The following NLGN1 variants were observed in gnomAD, a reference collection of about 807,000 sequenced individuals.
NLGN1 encodes the protein neuroligin 1.
Under a neutral mutation model 65.5 loss-of-function variants are expected in NLGN1, and 12 were observed. That is an observed-to-expected ratio of 0.18 (90% CI 0.12 to 0.30). The LOEUF (loss-of-function observed/expected upper bound fraction) is 0.30. Ranked by LOEUF, NLGN1 falls within the 10% of genes least tolerant of loss-of-function variation. NLGN1 has a pLI of 1.00. For synonymous variants in NLGN1, 350 were observed against 359.5 expected (o/e 0.97, Z 0.30); for missense variants, 750 against 1,007.1 (o/e 0.74, Z 3.46).
chr3:174,066,242 CT>C (rs1420440994), intron 4 of NLGN1, among the ~76,000 whole-genome samples: 2 of 151,712 alleles, frequency 1.3e-5, no homozygotes, highest in Non-Finnish European at 2.9e-5. Context: ...TCCTTATTTT[CT>C]TCTGTTTCCC....
chr3:174,033,546 G>A (rs776605430), intron 4 of NLGN1, among the ~76,000 whole-genome samples: 17 of 151,616 alleles, frequency 1.1e-4, no homozygotes, highest in Middle Eastern at 3.4e-3. Context: ...TCATGTGTTC[G>A]TTGCTCTAAT....
intron 4 of NLGN1, among the ~76,000 whole-genome samples, chr3:173,984,901 G>A (rs918809943): frequency 6.6e-6 from 1 of 152,146 alleles, no homozygotes; most frequent in Non-Finnish European, 1.5e-5. Context: ...AACTAGCCAG[G>A]TGTGGTGGCG....
chr3:173,663,402 A>G (rs1761233664), intron 3 of NLGN1, among the ~76,000 whole-genome samples: 1 of 152,080 alleles, frequency 6.6e-6, no homozygotes, highest in Admixed American at 6.6e-5. Flanking sequence ...ACAGCAGAAA[A>G]GGAATACTGA....
chr3:173,961,829 C>G (rs1207297326), intron 4 of NLGN1, among the ~76,000 whole-genome samples: 1 of 151,932 alleles, frequency 6.6e-6, no homozygotes, highest in Non-Finnish European at 1.5e-5. Flanking sequence ...GTTAGAGAAG[C>G]TTTTATCAAC....
intron 4 of NLGN1, among the ~76,000 whole-genome samples, chr3:174,261,052 T>G (rs1746793139): frequency 6.6e-6 from 1 of 152,204 alleles, no homozygotes; most frequent in African/African-American, 2.4e-5. Flanking sequence ...ATATCTCTGT[T>G]TTGGTACCAG....
chr3:174,137,382 A>G (rs976424031), intron 4 of NLGN1, among the ~76,000 whole-genome samples: 1 of 152,190 alleles, frequency 6.6e-6, no homozygotes, highest in South Asian at 2.1e-4. Context: ...ATAATTTTAT[A>G]GTAAAGATTG....
chr3:173,634,292 T>C (rs549115891), intron 3 of NLGN1, among the ~76,000 whole-genome samples: 1 of 152,194 alleles, frequency 6.6e-6, no homozygotes, highest in South Asian at 2.1e-4. Context: ...TTATTTAAAA[T>C]GAGTATTACA....
At chr3:174,107,350 A>C (rs976326481) in intron 4 of NLGN1, among the ~76,000 whole-genome samples, 1 of 152,166 alleles carries the variant, frequency 6.6e-6, no homozygotes, top group Admixed American at 6.6e-5. Context: ...TTGTCATTTC[A>C]AGAAAGTTAT....
At position 174,060,991 on chromosome 3, in the gene NLGN1, C is replaced by T. The variant is rs189173515; in HGVS notation, c.647-214324C>T. Among the ~76,000 whole-genome samples the T allele has an allele frequency of 2.0e-5, 3 of 152,104 alleles. No homozygotes were observed. The East Asian group carries it at 5.8e-4, about 30-fold the overall frequency. On this transcript the variant is annotated intron_variant, in intron 4 of 6. Transcript: ENST00000457714. ...TTGTCAGCATTTTGCCTTATCAGAC[C>T]TTGGGAGATATACTGAATTCTAAGG...
intron 4 of NLGN1, among the ~76,000 whole-genome samples, chr3:173,935,858 T>C (rs1744978740): frequency 1.3e-5 from 2 of 151,952 alleles, no homozygotes; most frequent in Admixed American, 6.6e-5. Flanking sequence ...AGAGAAAATA[T>C]TGAATTATAT....
chr3:173,604,946 G>A lies in NLGN1; in HGVS notation c.348G>A (p.Val116=), dbSNP rs150137049. The A allele has an allele frequency of 2.6e-4, 412 of 1,613,654 alleles. 4 individuals carry two copies. The South Asian group carries it at 4.2e-3, about 16-fold the overall frequency. ...GAAATGCCACTCAATTTGCTCCTGT[G>A]TGTCCCCAGAATATCATTGATGGCA... The change falls in exon 3 of 7, where the codon GTG becomes GTA. Residue 116 remains valine (V), a synonymous_variant. Transcript: ENST00000457714.
chr3:173,487,498 A>G (rs1448458810), intron 2 of NLGN1, among the ~76,000 whole-genome samples: 1 of 151,790 alleles, frequency 6.6e-6, no homozygotes, highest in Non-Finnish European at 1.5e-5. Flanking sequence ...CTTTTTTTCT[A>G]AATCTTCCAT....
At chr3:174,175,004 A>G (rs530625384) in intron 4 of NLGN1, among the ~76,000 whole-genome samples, 2 of 152,136 alleles carry the variant, frequency 1.3e-5, no homozygotes, top group East Asian at 1.9e-4. Context: ...CATTGTGGTC[A>G]GAGAGATGCT....
intron 4 of NLGN1, among the ~76,000 whole-genome samples, chr3:174,114,745 C>T (rs1716016593): frequency 6.6e-6 from 1 of 152,094 alleles, no homozygotes; most frequent in South Asian, 2.1e-4. Flanking sequence ...TACTTTTCCA[C>T]CTCATAGATG....
rs551914698 is a variant in NLGN1, at chr3:174,181,976, CAAAAAAAAAAAAA to C, written c.647-93326_647-93314del. Reference sequence around the variant, plus strand: ...TGGGCAACAGATTGAGACTTGGTGTCAAAAAAAAAAAAAAAAAAAAAAAAAGAATGTCTCCGAA... The same window carrying C: ...TGGGCAACAGATTGAGACTTGGTGTCAAAAAAAAAAAAGAATGTCTCCGAA... On this transcript the variant is annotated intron_variant, in intron 4 of 6. Coordinates refer to ENST00000457714, the Ensembl canonical transcript of NLGN1. Among the ~76,000 whole-genome samples, 4 of 44,400 alleles carry C rather than the reference CAAAAAAAAAAAAA, an allele frequency of 9.0e-5. 1 individual carries two copies. The South Asian group carries it at 3.3e-3, about 36-fold the overall frequency. 29.1% of individuals were successfully genotyped at this position (44,400 alleles called of 152,430 possible).
chr3:173,758,531 C>A (rs1212903733), intron 3 of NLGN1, among the ~76,000 whole-genome samples: 2 of 152,008 alleles, frequency 1.3e-5, no homozygotes, highest in Non-Finnish European at 2.9e-5. Context: ...ATATTATCTA[C>A]AGTACTTTAT....
At chr3:173,516,336 G>C (rs2149114503) in intron 2 of NLGN1, among the ~76,000 whole-genome samples, 1 of 151,962 alleles carries the variant, frequency 6.6e-6, no homozygotes, top group South Asian at 2.1e-4. Flanking sequence ...TTGAGTTCTA[G>C]CTCCACCTTT....
At chr3:174,119,530 A>G (rs545649947) in intron 4 of NLGN1, among the ~76,000 whole-genome samples, 144 of 152,302 alleles carry the variant, frequency 9.5e-4, no homozygotes, top group African/African-American at 3.4e-3. Flanking sequence ...AAGCTGTTTC[A>G]TGTGCCCAAT....
exon 7 of NLGN1, chr3:174,281,214 C>A (rs765131109): frequency 1.1e-5 from 18 of 1,613,078 alleles, no homozygotes; most frequent in Non-Finnish European, 1.5e-5. Flanking sequence ...TCAGCCCTTA[C>A]ACACATTCAA....
Sources: allele counts gnomAD v4.1 joint callset (sites outside exome capture counted in the v4.1 genomes callset), GRCh38; gene constraint gnomAD v4.1.1; transcripts MANE v1.5; gene names NCBI Gene and HGNC (gene_info 2026-07-23, HGNC 2026-07-21).